Variants in ANKRD36C observed in about 807,000 individuals in gnomAD.
ANKRD36C encodes the protein ankyrin repeat domain 36C.
Under a neutral mutation model 276.4 loss-of-function variants are expected in ANKRD36C, and 61 were observed. The observed-to-expected ratio is 0.22, with a 90% CI of 0.18 to 0.27. The LOEUF (loss-of-function observed/expected upper bound fraction) is 0.27, where lower values mean the gene tolerates loss of function less well. Ranked by LOEUF, ANKRD36C falls within the 10% of genes least tolerant of loss-of-function variation. ANKRD36C has a pLI of 1.00. For synonymous variants in ANKRD36C, 483 were observed against 680.1 expected, an observed-to-expected ratio of 0.71 and a Z score of 4.51; for missense variants, 1,447 against 2,032.3, an observed-to-expected ratio of 0.71 and a Z score of 5.54.
intron 14 of ANKRD36C, 65 bp from the exon 15 acceptor site, chr2:95,951,473 CCATTA>C: frequency 8.3e-7 from 1 of 1,207,980 alleles, no homozygotes; most frequent in Non-Finnish European, 1.2e-6. Context: ...ATAATACCCA[CCATTA>C]CTACGTGATC....
In ANKRD36C at chr2:95,930,564, A is replaced by C. The variant is rs527778327; in HGVS notation, c.1736-1297T>G. 1.4e-3 allele frequency among the ~76,000 whole-genome samples: 219 copies of C among 151,624 alleles called. 1 individual carries two copies. The highest frequency in any genetic ancestry group is 4.7e-3 in the African/African-American group (194 of 41,472). On this transcript the variant is annotated intron_variant, in intron 24 of 66. Coordinates refer to ENST00000456556, the Ensembl canonical transcript of ANKRD36C. ...ATACACATCAATGAAATAATGTGTAATCAGATTCCTATGAAAATAAACTAA... is the reference window on the plus strand; with the variant it reads ...ATACACATCAATGAAATAATGTGTACTCAGATTCCTATGAAAATAAACTAA...
intron 44 of ANKRD36C, among the ~76,000 whole-genome samples, chr2:95,896,631 G>T (rs1275458773): frequency 1.4e-5 from 2 of 144,072 alleles, no homozygotes; most frequent in Non-Finnish European, 3.1e-5. Context: ...GAGTCAGTGT[G>T]GTGGTGTATT....
intron 26 of ANKRD36C, among the ~76,000 whole-genome samples, chr2:95,928,158 C>T (rs1482896195): frequency 2.6e-5 from 4 of 151,618 alleles, no homozygotes; most frequent in Non-Finnish European, 5.9e-5. Context: ...ATAAGTTTTA[C>T]ATTCAGAAAT....
chr2:95,884,430 T>C (rs1177039116), intron 52 of ANKRD36C, 62 bp from the exon 73 acceptor site: 2 of 1,604,058 alleles, frequency 1.2e-6, no homozygotes, highest in African/African-American at 2.7e-5. Context: ...ATTCATACAT[T>C]CATGCAGTGT....
intron 22 of ANKRD36C, 53 bp downstream of exon 22, chr2:95,938,776 T>C: frequency 6.5e-7 from 1 of 1,536,812 alleles, no homozygotes; most frequent in Non-Finnish European, 8.7e-7. Flanking sequence ...TACGAGCATT[T>C]TCAATATTTT....
intron 44 of ANKRD36C, chr2:95,894,160 C>T (rs544844799): frequency 2.9e-4 from 63 of 219,262 alleles, no homozygotes; most frequent in East Asian, 8.4e-4. Flanking sequence ...GCTCTTTAAA[C>T]TGCCAATAAC....
chr2:95,958,189 T>C lies in ANKRD36C; in HGVS notation c.1105+402A>G, dbSNP rs754196492. Among the ~76,000 whole-genome samples, 96 of 152,032 alleles carry C rather than the reference T, an allele frequency of 6.3e-4. 2 individuals are homozygous for C. Among genetic ancestry groups the C allele is most frequent in the South Asian group, 4.1e-4 (2 of 4,824 alleles). On this transcript the variant is annotated intron_variant, in intron 12 of 66. Coordinates refer to ENST00000456556, the Ensembl canonical transcript of ANKRD36C. ...TCTCATTACTTCTCGTTCTATAGTT[T>C]TTATGGCTTTTTACGATCACTTCTT...
chr2:95,981,406 T>C (rs990042108), intron 4 of ANKRD36C, among the ~76,000 whole-genome samples: 1 of 148,002 alleles, frequency 6.8e-6, no homozygotes, highest in Non-Finnish European at 1.5e-5. Context: ...CTATATTATA[T>C]ATTATCTATA....
At chr2:95,959,246 A>G (rs1678401407) in intron 10 of ANKRD36C, among the ~76,000 whole-genome samples, 1 of 151,990 alleles carries the variant, frequency 6.6e-6, no homozygotes, top group African/African-American at 2.4e-5. Flanking sequence ...GAGCAGGTAA[A>G]CAAGGACAAT....
intron 1 of ANKRD36C, among the ~76,000 whole-genome samples, chr2:95,987,779 G>A (rs915878348): frequency 1.3e-5 from 2 of 151,748 alleles, no homozygotes; most frequent in African/African-American, 2.4e-5. Flanking sequence ...CCGCTACCGC[G>A]CCCGGCTAAT....
chr2:95,891,922 T>C, intron 44 of ANKRD36C, 62 bp from the exon 65 acceptor site: 1 of 1,545,842 alleles, frequency 6.5e-7, no homozygotes, highest in East Asian at 2.4e-5. Flanking sequence ...ATCCACACAT[T>C]CATGCAGTGT....
chr2:95,961,287 T>A (rs879729913), intron 8 of ANKRD36C, among the ~76,000 whole-genome samples: 4 of 152,030 alleles, frequency 2.6e-5, no homozygotes, highest in Non-Finnish European at 5.9e-5. Context: ...ATTTCTTTTA[T>A]CCTCTAGTTT....
chr2:95,851,772 A>G, exon 66 of ANKRD36C: 1 of 1,532,960 alleles, frequency 6.5e-7, no homozygotes. Flanking sequence ...TCATCATGAC[A>G]TTTTCTACTT....
At chr2:95,920,102 G>T (rs1481836842) in intron 34 of ANKRD36C, among the ~76,000 whole-genome samples, 182 bp from the exon 35 acceptor site, 1 of 131,694 alleles carries the variant, frequency 7.6e-6, no homozygotes, top group Non-Finnish European at 1.7e-5. Flanking sequence ...GGGAATACAG[G>T]CTCCATCAAA....
At chr2:95,968,478 C>A (rs1678637819) in intron 6 of ANKRD36C, among the ~76,000 whole-genome samples, 1 of 152,126 alleles carries the variant, frequency 6.6e-6, no homozygotes, top group African/African-American at 2.4e-5. Flanking sequence ...GATTTCTGGA[C>A]AAATGAACCA....
chr2:95,977,165 A>C (rs1398620477), intron 6 of ANKRD36C, among the ~76,000 whole-genome samples: 2 of 151,756 alleles, frequency 1.3e-5, no homozygotes, highest in East Asian at 3.9e-4. Context: ...AACATGTCCT[A>C]CTCCTTTCTT....
intron 63 of ANKRD36C, among the ~76,000 whole-genome samples, chr2:95,854,408 T>TA (rs1426178328): frequency 6.6e-6 from 1 of 151,908 alleles, no homozygotes; most frequent in Non-Finnish European, 1.5e-5. Flanking sequence ...ATTCCTACTC[T>TA]ACGTGAATCC....
chr2:95,889,156 CTG>C (rs1258885022), intron 48 of ANKRD36C, among the ~76,000 whole-genome samples: 1 of 151,468 alleles, frequency 6.6e-6, no homozygotes, highest in African/African-American at 2.4e-5. Context: ...TAATGAGTCA[CTG>C]TGGTTTATCC....
chr2:95,887,442 C>T (rs1282868003), intron 50 of ANKRD36C, among the ~76,000 whole-genome samples: 1 of 151,242 alleles, frequency 6.6e-6, no homozygotes, highest in Non-Finnish European at 1.5e-5. Flanking sequence ...TTCTTCTTTT[C>T]CCTCCTTCCT....
Sources: allele counts gnomAD v4.1 joint callset (sites outside exome capture counted in the v4.1 genomes callset), GRCh38; gene constraint gnomAD v4.1.1; transcripts MANE v1.5; gene names NCBI Gene and HGNC (gene_info 2026-07-23, HGNC 2026-07-21).